The following HIP1 variants were observed in gnomAD, a reference collection of about 807,000 sequenced individuals.
HIP1 encodes the protein huntingtin-interacting protein 1.
Under a neutral mutation model 147.6 loss-of-function variants are expected in HIP1, and 65 were observed. That is an observed-to-expected ratio of 0.44 (90% CI 0.36 to 0.54). HIP1 has a LOEUF of 0.54. HIP1 is among the 20% of genes least tolerant of loss of function. The probability of loss-of-function intolerance (pLI) is 0.00; values close to 1 mark genes in which losing one functional copy is unlikely to be tolerated. For missense variants in HIP1, 1,061 were observed against 1,299.6 expected (o/e 0.82, Z 2.82); for synonymous variants, 479 against 504.0 (o/e 0.95, Z 0.67).
intron 29 of HIP1, among the ~76,000 whole-genome samples, chr7:75,540,226 G>C (rs868951934): frequency 6.6e-6 from 1 of 152,032 alleles, no homozygotes; most frequent in Admixed American, 6.6e-5. Context: ...TCAGGAGTTA[G>C]AGACTAGCCT....
chr7:75,635,997 C>T (rs587733656), intron 1 of HIP1, among the ~76,000 whole-genome samples: 1 of 146,126 alleles, frequency 6.8e-6, no homozygotes, highest in Admixed American at 7.0e-5. Flanking sequence ...TGCACTCCAG[C>T]CTGGGCAACA....
chr7:75,585,534 G>A (rs1174110887), intron 5 of HIP1, among the ~76,000 whole-genome samples: 1 of 151,648 alleles, frequency 6.6e-6, no homozygotes, highest in African/African-American at 2.4e-5. Flanking sequence ...ACCTTTACCA[G>A]AGCCCGGTCC....
Position 75,546,387 on chromosome 7 carries a change from G to A in HIP1, c.2559+552C>T, listed in dbSNP as rs587741511. Among the ~76,000 whole-genome samples the A allele has an allele frequency of 3.0e-3, 458 of 152,278 alleles. 2 individuals are homozygous for A. Among genetic ancestry groups the A allele is most frequent in the African/African-American group, 0.011 (439 of 41,568 alleles). ...GCCTGGCTGCTTGCTTTATGGCACC[G>A]TTCTCAGGCTCATTAACCCCTCCCC... On this transcript the variant is annotated intron_variant, in intron 25 of 30. Coordinates refer to ENST00000336926, the MANE Select transcript of HIP1 (RefSeq NM_005338.7).
intron 1 of HIP1, among the ~76,000 whole-genome samples, chr7:75,602,332 T>TTTTTTTC (rs1554503109): frequency 8.6e-6 from 1 of 116,064 alleles, no homozygotes; most frequent in Non-Finnish European, 1.8e-5. Context: ...TTTTTTTTTT[T>TTTTTTTC]CAAAAGAGAT....
chr7:75,680,900 C>T (rs1404935886), intron 1 of HIP1, among the ~76,000 whole-genome samples: 7 of 152,128 alleles, frequency 4.6e-5, no homozygotes, highest in East Asian at 3.8e-4. Flanking sequence ...CTCAGCCTCC[C>T]GAGTAGCTGG....
rs543178663 is a variant in HIP1, at chr7:75,713,490, A to G, written c.120+25311T>C. On this transcript the variant is annotated intron_variant, in intron 1 of 30. Coordinates refer to ENST00000336926, the MANE Select transcript of HIP1 (RefSeq NM_005338.7). ...TACTCCATCTCTGCCTCCAAGACCC[A>G]GGGCAAACAGAGCAGCTCCTCTTCA... 5.3e-5 allele frequency among the ~76,000 whole-genome samples: 8 copies of G among 152,272 alleles called. No homozygotes were observed. In the East Asian group the frequency reaches 1.5e-3, roughly 29 times the overall value.
Position 75,663,997 on chromosome 7 carries a change from C to CAT in HIP1, c.121-64752_121-64751dup, listed in dbSNP as rs1245728478. ...ACACATATATGTGTATATATATACACATATATGTGTATATATATACACATA... is the reference window on the plus strand; with the variant it reads ...ACACATATATGTGTATATATATACACATATATATGTGTATATATATACACATA... On this transcript the variant is annotated intron_variant, in intron 1 of 30. Coordinates refer to ENST00000336926, the MANE Select transcript of HIP1 (RefSeq NM_005338.7). Among the ~76,000 whole-genome samples the CAT allele has an allele frequency of 5.2e-4, 15 of 29,112 alleles. No individual in the cohort carries two copies. The African/African-American group carries it at 6.6e-3, about 13-fold the overall frequency. The allele number at this position is 29,112 out of a possible 152,430, so 19.1% of individuals were successfully genotyped here.
intron 15 of HIP1, 132 bp from the exon 16 acceptor site, chr7:75,557,902 G>A: frequency 1.4e-6 from 1 of 719,794 alleles, no homozygotes; most frequent in African/African-American, 1.7e-5. Context: ...CCCACAGCCG[G>A]AACAGAGCCA....
intron 17 of HIP1, 116 bp from the exon 18 acceptor site, chr7:75,556,285 A>AC (rs373018475): frequency 2.5e-6 from 3 of 1,219,136 alleles, no homozygotes; most frequent in African/African-American, 1.5e-5. Flanking sequence ...TGGCTCTTTA[A>AC]CCTGCCACTC....
At chr7:75,586,711 G>T in intron 5 of HIP1, 42 bp downstream of exon 5, 1 of 1,259,972 alleles carries the variant, frequency 7.9e-7, no homozygotes, top group African/African-American at 1.5e-5. Flanking sequence ...GGATGGAGCA[G>T]GGGAGGCGGC....
At chr7:75,540,150 G>A (rs587630896) in intron 29 of HIP1, among the ~76,000 whole-genome samples, 3 of 152,164 alleles carry the variant, frequency 2.0e-5, no homozygotes, top group South Asian at 4.2e-4. Flanking sequence ...TTTGCTGGCC[G>A]GGCATGGTGG....
chr7:75,681,159 C>T (rs1471693441), intron 1 of HIP1, among the ~76,000 whole-genome samples: 13 of 152,038 alleles, frequency 8.6e-5, no homozygotes, highest in African/African-American at 2.9e-4. Flanking sequence ...GTGATCCGTC[C>T]GCCTCGGCCT....
At chr7:75,725,947 T>C (rs1352992761) in intron 1 of HIP1, among the ~76,000 whole-genome samples, 2 of 151,292 alleles carry the variant, frequency 1.3e-5, no homozygotes, top group African/African-American at 2.4e-5. Context: ...TCAGCCTCCC[T>C]GTAGCTGGGA....
chr7:75,724,896 T>C lies in HIP1; in HGVS notation c.120+13905A>G, dbSNP rs562966555. ...GTTCATAAATCAAACGCTCCCCAATTCTAGGGCAGCATTGGGAATGCTTCC... is the reference window on the plus strand; with the variant it reads ...GTTCATAAATCAAACGCTCCCCAATCCTAGGGCAGCATTGGGAATGCTTCC... On this transcript the variant is annotated intron_variant, in intron 1 of 30. Coordinates refer to ENST00000336926, the MANE Select transcript of HIP1 (RefSeq NM_005338.7). 3.9e-5 allele frequency among the ~76,000 whole-genome samples: 6 copies of C among 152,212 alleles called. No homozygotes were observed. The South Asian group carries it at 1.2e-3, about 32-fold the overall frequency.
chr7:75,553,064 A>C (rs1554492418), intron 22 of HIP1, among the ~76,000 whole-genome samples: 2 of 151,334 alleles, frequency 1.3e-5, no homozygotes, highest in Non-Finnish European at 2.9e-5. Context: ...TCCACCTCCC[A>C]GTACCTGGGA....
At chr7:75,601,263 A>G (rs1394339435) in intron 1 of HIP1, among the ~76,000 whole-genome samples, 1 of 151,672 alleles carries the variant, frequency 6.6e-6, no homozygotes, top group Non-Finnish European at 1.5e-5. Context: ...GTTACAAGCC[A>G]CAACCAGACC....
intron 1 of HIP1, among the ~76,000 whole-genome samples, chr7:75,714,920 C>T (rs1554520436): frequency 6.6e-6 from 1 of 152,232 alleles, no homozygotes; most frequent in Non-Finnish European, 1.5e-5. Context: ...GCTGCACCGA[C>T]TGCAATGTCT....
chr7:75,565,394 C>T lies in HIP1; in HGVS notation c.804-2131G>A, dbSNP rs112042631. On this transcript the variant is annotated intron_variant, in intron 9 of 30. Transcript: ENST00000336926. The stretch of plus-strand genomic sequence containing the variant: ...AGGCTCAACTGCTTTCACAAGCTAC[C>T]GGAATTTGACATTCCAGGAAATCAG... Among the ~76,000 whole-genome samples, 9 of 152,312 alleles carry T rather than the reference C, an allele frequency of 5.9e-5. 1 individual carries two copies. Among genetic ancestry groups the T allele is most frequent in the African/African-American group, 1.7e-4 (7 of 41,572 alleles).
At chr7:75,713,309 A>G (rs1262970334) in intron 1 of HIP1, among the ~76,000 whole-genome samples, 1 of 152,186 alleles carries the variant, frequency 6.6e-6, no homozygotes, top group African/African-American at 2.4e-5. Flanking sequence ...TATGGGTGCA[A>G]TGACATAGTT....
Sources: allele counts gnomAD v4.1 joint callset (sites outside exome capture counted in the v4.1 genomes callset), GRCh38; gene constraint gnomAD v4.1.1; transcripts MANE v1.5; gene names NCBI Gene and HGNC (gene_info 2026-07-23, HGNC 2026-07-21).